The following MPRIP variants were observed in gnomAD, a reference collection of about 807,000 sequenced individuals.
MPRIP encodes myosin phosphatase Rho-interacting protein.
In MPRIP, 59 loss-of-function variants were observed where a neutral mutation model predicts 234.9. That is an observed-to-expected ratio of 0.25 (90% confidence interval 0.20 to 0.31). The LOEUF (loss-of-function observed/expected upper bound fraction) is 0.31. MPRIP is among the 10% of genes least tolerant of loss of function. The pLI, the probability that MPRIP is intolerant of heterozygous loss-of-function variation, is 1.00. For missense variants in MPRIP, 2,436 were observed against 3,071.0 expected, an observed-to-expected ratio of 0.79 and a Z score of 4.89; for synonymous variants, 1,144 against 1,263.9, an observed-to-expected ratio of 0.91 and a Z score of 2.01.
Position 17,167,449 on chromosome 17 carries a change from G to T in MPRIP, c.5858G>T (p.Arg1953Leu), listed in dbSNP as rs752649155. 6 of 1,304,098 alleles carry T rather than the reference G, an allele frequency of 4.6e-6. No individual in the cohort carries two copies. Among genetic ancestry groups the T allele is most frequent in the African/African-American group, 3.0e-5 (2 of 65,868 alleles). The allele number at this position is 1,304,098 out of a possible 1,614,324, so 80.8% of individuals were successfully genotyped here. A position where few individuals can be genotyped will look rare whatever the true frequency, so the allele number is the denominator to read the frequency against. The change falls in exon 16 of 24, where the codon CGG becomes CTG. Residue 1953 changes from arginine (R) to leucine (L), a missense_variant. Transcript: ENST00000651222. This position sits in a 1 kb window ranked among gnomAD's most constrained non-coding sequence, Gnocchi z 5.9. ...CGGGGCAGGTATGAGGAGGAGATTCGGTGTGTGGTGGAGCAGCTGACCAGG... is the reference window on the plus strand; with the variant it reads ...CGGGGCAGGTATGAGGAGGAGATTCTGTGTGTGGTGGAGCAGCTGACCAGG... Reference protein sequence around the residue: ...TLRGRYEEEIRCVVEQLTRTE... With the variant: ...TLRGRYEEEILCVVEQLTRTE...
chr17:17,171,629 A>G, intron 16 of MPRIP, 89 bp from the exon 17 acceptor site: 1 of 1,508,382 alleles, frequency 6.6e-7, no homozygotes, highest in Non-Finnish European at 8.9e-7. Flanking sequence ...GGGCCTGGAC[A>G]GGGTGGGATT....
chr17:17,182,499 C>T (rs1184433286), intron 23 of MPRIP: 8 of 152,214 alleles, frequency 5.3e-5, no homozygotes, highest in Non-Finnish European at 1.5e-5. Flanking sequence ...GAGATGAACC[C>T]CAGAGGGAGC....
chr17:17,159,236 A>G (rs995303170), intron 14 of MPRIP, among the ~76,000 whole-genome samples: 6 of 152,226 alleles, frequency 3.9e-5, no homozygotes, highest in Non-Finnish European at 7.3e-5. Flanking sequence ...GCACAGAGGA[A>G]TTCTTCCGAT....
chr17:17,133,775 G>C (rs868393250), intron 5 of MPRIP, among the ~76,000 whole-genome samples: 6 of 152,210 alleles, frequency 3.9e-5, no homozygotes, highest in Non-Finnish European at 7.3e-5. Context: ...ATAGAGTCTA[G>C]GCCTGGGAGA....
intron 3 of MPRIP, among the ~76,000 whole-genome samples, chr17:17,122,754 C>T (rs146611473): frequency 4.2e-4 from 64 of 152,280 alleles, no homozygotes; most frequent in African/African-American, 1.5e-3. Flanking sequence ...AAAGTTAGTC[C>T]CAAACCCTCA....
At chr17:17,091,800 C>T (rs1455580169) in intron 3 of MPRIP, among the ~76,000 whole-genome samples, 7 of 152,110 alleles carry the variant, frequency 4.6e-5, no homozygotes, top group East Asian at 3.8e-4. Flanking sequence ...GTTGCAAGAA[C>T]GCCTTGGGTT....
intron 13 of MPRIP, among the ~76,000 whole-genome samples, chr17:17,155,519 C>T (rs1471356246): frequency 6.6e-6 from 1 of 152,210 alleles, no homozygotes; most frequent in Non-Finnish European, 1.5e-5. Flanking sequence ...GCTGAAATTG[C>T]AGGCATGAGC....
rs774453835 is a variant in MPRIP at position 17,161,389 on chromosome 17, C to T, written c.2517+33C>T. ...GGAGGGGCTGCTGTGGCCCATGGTG[C>T]GCTCAGGAGCTTCAGTGTGAAGGGT... On this transcript the variant is annotated intron_variant, in intron 15 of 23. Coordinates refer to ENST00000651222, the MANE Select transcript of MPRIP (RefSeq NM_001364716.4). 121 of 1,444,638 alleles carry T rather than the reference C, an allele frequency of 8.4e-5. No homozygotes were observed. The South Asian group carries it at 9.4e-4, about 11-fold the overall frequency. 89.5% of individuals were successfully genotyped at this position (1,444,638 alleles called of 1,614,324 possible). A position where few individuals can be genotyped will look rare whatever the true frequency, so the allele number is the denominator to read the frequency against.
rs994160880 is a variant in MPRIP at position 17,186,016 on chromosome 17, C to T, written c.*1122C>T. On this transcript the variant is annotated 3_prime_UTR_variant, in exon 24 of 24. Transcript: ENST00000651222. Reference sequence around the variant, plus strand: ...GCTTTTTCTAACAGTTTGAGGAAGACCTTTTTAACCACCACAAAACATTCT... The same window carrying T: ...GCTTTTTCTAACAGTTTGAGGAAGATCTTTTTAACCACCACAAAACATTCT... 6.5e-6 allele frequency: 1 copy of T among 154,452 alleles called. No individual in the cohort carries two copies. Among genetic ancestry groups the T allele is most frequent in the East Asian group, 1.9e-4 (1 of 5,266 alleles). The allele number at this position is 154,452 out of a possible 1,614,324, so 9.6% of individuals were successfully genotyped here. A position where few individuals can be genotyped will look rare whatever the true frequency, so the allele number is the denominator to read the frequency against.
At chr17:17,178,007 C>T (rs529421012) in intron 22 of MPRIP, among the ~76,000 whole-genome samples, 3 of 151,392 alleles carry the variant, frequency 2.0e-5, no homozygotes, top group South Asian at 2.1e-4. Flanking sequence ...CTGCAGCCTC[C>T]GCCTCCCAGG....
At chr17:17,090,217 C>T (rs2089682794) in intron 3 of MPRIP, among the ~76,000 whole-genome samples, 3 of 152,310 alleles carry the variant, frequency 2.0e-5, no homozygotes, top group African/African-American at 7.2e-5. Flanking sequence ...CTCCCTGGAG[C>T]CACAAGGCTC....
chr17:17,117,311 G>T (rs1054501661), intron 3 of MPRIP, among the ~76,000 whole-genome samples: 3 of 152,312 alleles, frequency 2.0e-5, no homozygotes, highest in African/African-American at 7.2e-5. Context: ...GTGACAGAAG[G>T]GGGTAGATTA....
At position 17,131,632 on chromosome 17, in the gene MPRIP, C is replaced by T. The variant is rs1417631906; in HGVS notation, c.435C>T (p.Leu145=). The T allele has an allele frequency of 2.5e-6, 4 of 1,614,042 alleles. No homozygotes were observed. The Admixed American group carries it at 6.7e-5, about 27-fold the overall frequency. Reference sequence around the variant, plus strand: ...CTCTTCCCAGGTGGCTGGAGATGCTCATGGTCTATCCCCGGACCAACAAGC... The same window carrying T: ...CTCTTCCCAGGTGGCTGGAGATGCTTATGGTCTATCCCCGGACCAACAAGC... The part of the protein sequence containing the change: ...KEIVSGWLEM[L]MVYPRTNKQN... Residue 145 remains leucine, a synonymous_variant, in exon 5 of 24, where the codon CTC becomes CTT. Coordinates refer to ENST00000651222, the MANE Select transcript of MPRIP (RefSeq NM_001364716.4).
chr17:17,141,033 C>T (rs1435888770), intron 7 of MPRIP, among the ~76,000 whole-genome samples: 1 of 152,144 alleles, frequency 6.6e-6, no homozygotes, highest in African/African-American at 2.4e-5. Flanking sequence ...TACAGGATCT[C>T]CCCAGGCCCC....
chr17:17,052,693 G>A (rs1293924205), intron 1 of MPRIP, among the ~76,000 whole-genome samples: 1 of 152,158 alleles, frequency 6.6e-6, no homozygotes, highest in Non-Finnish European at 1.5e-5. Flanking sequence ...GTTGTGCAGG[G>A]CATCGCCCAG....
intron 1 of MPRIP, among the ~76,000 whole-genome samples, chr17:17,062,459 T>C (rs891081516): frequency 1.3e-5 from 2 of 152,240 alleles, no homozygotes; most frequent in South Asian, 2.1e-4. Context: ...CATCCTTACA[T>C]GTGTTATAAA....
chr17:17,093,010 G>A lies in MPRIP; in HGVS notation c.267+14934G>A, dbSNP rs1384810299. ...GGTGGACTGTGCAGTAATTTGAAGG[G>A]TGGGGAGGGGTAAGAGGGCTGTTGC... On this transcript the variant is annotated intron_variant, in intron 3 of 23. Coordinates refer to ENST00000651222, the MANE Select transcript of MPRIP (RefSeq NM_001364716.4). Among the ~76,000 whole-genome samples the A allele has an allele frequency of 7.9e-5, 12 of 152,316 alleles. 1 individual carries two copies. In the Middle Eastern group the frequency reaches 0.017, roughly 216 times the overall value.
chr17:17,125,060 C>T (rs2090464781), intron 3 of MPRIP, among the ~76,000 whole-genome samples: 1 of 152,176 alleles, frequency 6.6e-6, no homozygotes, highest in Non-Finnish European at 1.5e-5. Flanking sequence ...TGTACCCTCT[C>T]CTTCTCAAGA....
chr17:17,085,384 C>CTG (rs1222823841), intron 3 of MPRIP, among the ~76,000 whole-genome samples: 1 of 152,196 alleles, frequency 6.6e-6, no homozygotes, highest in Non-Finnish European at 1.5e-5. Context: ...GTATGAGGGG[C>CTG]TGTTAATGGG....
Sources: allele counts gnomAD v4.1 joint callset (sites outside exome capture counted in the v4.1 genomes callset), GRCh38; gene constraint gnomAD v4.1.1; non-coding constraint Gnocchi (gnomAD v3.1); transcripts MANE v1.5; gene names NCBI Gene and HGNC (gene_info 2026-07-23, HGNC 2026-07-21).